Variants in SRGN observed in about 807,000 individuals in gnomAD.
SRGN encodes serglycin.
Under a neutral mutation model 9.5 loss-of-function variants are expected in SRGN, and 2 were observed. The ratio of observed to expected loss-of-function variants is 0.21; its 90% confidence interval spans 0.09 to 0.66. The LOEUF (loss-of-function observed/expected upper bound fraction) is 0.66. Among genes scored for constraint, SRGN ranks in the 30% least tolerant of loss-of-function variants. The probability of loss-of-function intolerance (pLI) is 0.83; values close to 1 mark genes in which losing one functional copy is unlikely to be tolerated. For missense variants in SRGN, 170 were observed against 192.4 expected, an observed-to-expected ratio of 0.88 and a Z score of 0.69; for synonymous variants, 59 against 72.3, an observed-to-expected ratio of 0.82 and a Z score of 0.93.
chr10:69,097,059 G>A (rs1283270959), intron 1 of SRGN, 25 bp from the exon 2 acceptor site: 1 of 1,611,088 alleles, frequency 6.2e-7, no homozygotes, highest in Non-Finnish European at 8.5e-7. Context: ...TAGATACTTA[G>A]TAACAATGTG....
Position 69,104,154 on chromosome 10 carries a change from T to C in SRGN, c.*34T>C. ...TTTCCCACCTTGACACCAGGCAATG[T>C]AGTTAGCATATTTTATGTACCATGG... is the stretch of plus-strand genomic sequence containing the variant. On this transcript the variant is annotated 3_prime_UTR_variant, in exon 3 of 3. Transcript: ENST00000242465. 4 of 1,601,044 alleles carry C rather than the reference T, an allele frequency of 2.5e-6. No individual in the cohort carries two copies. The highest frequency in any genetic ancestry group is 3.4e-6 in the Non-Finnish European group (4 of 1,170,586).
intron 1 of SRGN, 82 bp downstream of exon 1, chr10:69,088,318 C>T (rs1839981086): frequency 8.3e-7 from 1 of 1,204,320 alleles, no homozygotes; most frequent in South Asian, 1.2e-5. Context: ...CATTTTAAGG[C>T]ATAGAATGTA....
In SRGN at chr10:69,089,138, C is replaced by T. The variant is rs7900316; in HGVS notation, c.79+902C>T. Among the ~76,000 whole-genome samples the T allele has an allele frequency of 9.8e-3, 1,490 of 152,162 alleles. 32 individuals carry two copies. Among genetic ancestry groups the T allele is most frequent in the African/African-American group, 0.034 (1,419 of 41,510 alleles). On this transcript the variant is annotated intron_variant, in intron 1 of 2. Transcript: ENST00000242465. ...ATGTCCTAGATTTGTTTCGTCAAAG[C>T]GACTTTTGGTTGTCATGATCTTACT...
rs1839975115 is a variant in SRGN, at chr10:69,088,144, A to G, written c.-14A>G. On this transcript the variant is annotated 5_prime_UTR_variant, in exon 1 of 3. Coordinates refer to ENST00000242465, the MANE Select transcript of SRGN (RefSeq NM_002727.4). ...AAGTTGGCGTGCAGCTGGGAGAGCT[A>G]GACTAAGTTGGTCATGATGCAGAAG... 1 of 1,613,052 alleles carries G rather than the reference A, an allele frequency of 6.2e-7. No individual in the cohort carries two copies. Among genetic ancestry groups the G allele is most frequent in the Non-Finnish European group, 8.5e-7 (1 of 1,179,032 alleles).
intron 1 of SRGN, among the ~76,000 whole-genome samples, chr10:69,095,529 T>C (rs938804197): frequency 1.3e-5 from 2 of 152,112 alleles, no homozygotes; most frequent in Admixed American, 6.6e-5. Flanking sequence ...GATGAACTTT[T>C]TGAAGGGCGG....
At chr10:69,099,314 T>G (rs926741410) in intron 2 of SRGN, among the ~76,000 whole-genome samples, 1 of 150,956 alleles carries the variant, frequency 6.6e-6, no homozygotes, top group African/African-American at 2.4e-5. Context: ...CTTTTGTTTT[T>G]TTTTTTTTTT....
intron 2 of SRGN, among the ~76,000 whole-genome samples, chr10:69,103,043 G>A (rs984122193): frequency 5.9e-5 from 9 of 151,934 alleles, no homozygotes; most frequent in Non-Finnish European, 1.0e-4. Context: ...GGGTTCAAGC[G>A]ATTCTCTCAC....
intron 1 of SRGN, among the ~76,000 whole-genome samples, 181 bp downstream of exon 1, chr10:69,088,417 A>C (rs1839983667): frequency 6.6e-6 from 1 of 152,216 alleles, no homozygotes; most frequent in Non-Finnish European, 1.5e-5. Context: ...ACCAAGAAAA[A>C]TTAAACTCTG....
chr10:69,102,032 G>C (rs1840303133), intron 2 of SRGN, among the ~76,000 whole-genome samples: 1 of 151,962 alleles, frequency 6.6e-6, no homozygotes, highest in Non-Finnish European at 1.5e-5. Context: ...CTGCACAACA[G>C]AAGGAGGCCC....
chr10:69,097,458 A>C (rs1404657457), intron 2 of SRGN, among the ~76,000 whole-genome samples: 31 of 95,002 alleles, frequency 3.3e-4, no homozygotes, highest in East Asian at 8.1e-4. Flanking sequence ...ACGGAGTCTC[A>C]GTCTGTCGCT....
At chr10:69,093,521 GA>G (rs1840108968) in intron 1 of SRGN, among the ~76,000 whole-genome samples, 4 of 152,206 alleles carry the variant, frequency 2.6e-5, no homozygotes, top group Non-Finnish European at 5.9e-5. Flanking sequence ...CCTACAGGAA[GA>G]GACGTCTAAG....
intron 2 of SRGN, among the ~76,000 whole-genome samples, 174 bp from the exon 3 acceptor site, chr10:69,103,697 G>C (rs1373169069): frequency 1.3e-5 from 2 of 152,048 alleles, no homozygotes; most frequent in African/African-American, 4.8e-5. Context: ...AGGAACATTT[G>C]ACCTGTTTTT....
chr10:69,097,173 T>C lies in SRGN; in HGVS notation c.169T>C (p.Phe57Leu). 1 of 1,614,090 alleles carries C rather than the reference T, an allele frequency of 6.2e-7. No individual in the cohort carries two copies. The highest frequency in any genetic ancestry group is 8.5e-7 in the Non-Finnish European group (1 of 1,179,986). The change falls in exon 2 of 3, where the codon TTC (phenylalanine) becomes CTC (leucine). Residue 57 changes from phenylalanine (F) to leucine (L), a missense_variant. Transcript: ENST00000242465. ...CTGCCTTGAAGAAAAAGGACCAATG[T>C]TCGAACTACTTCCAGGTGAATCCAA... ...ANCLEEKGPM[F>L]ELLPGESNKI... is the part of the protein sequence containing the mutation.
chr10:69,104,162 A>G lies in SRGN; in HGVS notation c.*42A>G, dbSNP rs764035634. The G allele has an allele frequency of 6.3e-6, 10 of 1,596,360 alleles. 1 individual carries two copies. The South Asian group carries it at 6.7e-5, about 11-fold the overall frequency. On this transcript the variant is annotated 3_prime_UTR_variant, in exon 3 of 3. Transcript: ENST00000242465. ...CTTGACACCAGGCAATGTAGTTAGCATATTTTATGTACCATGGTTATATGA... is the reference window on the plus strand; with the variant it reads ...CTTGACACCAGGCAATGTAGTTAGCGTATTTTATGTACCATGGTTATATGA...
chr10:69,089,006 TA>T (rs1439571144), intron 1 of SRGN, among the ~76,000 whole-genome samples: 1 of 152,216 alleles, frequency 6.6e-6, no homozygotes, highest in Non-Finnish European at 1.5e-5. Flanking sequence ...GAATCATGTC[TA>T]AATAAGACGG....
chr10:69,092,377 C>T (rs1227723826), intron 1 of SRGN, among the ~76,000 whole-genome samples: 2 of 152,164 alleles, frequency 1.3e-5, no homozygotes, highest in Non-Finnish European at 2.9e-5. Flanking sequence ...ACATCATCGG[C>T]CCCAAATTAG....
At position 69,104,240 on chromosome 10, in the gene SRGN, G is replaced by C. The variant is rs941588164; in HGVS notation, c.*120G>C. ...AAATTTTTAAACATCTGAAAAAGAAGCTTAAGTTTTATCATCCTTTTTTTT... is the reference window on the plus strand; with the variant it reads ...AAATTTTTAAACATCTGAAAAAGAACCTTAAGTTTTATCATCCTTTTTTTT... On this transcript the variant is annotated 3_prime_UTR_variant, in exon 3 of 3. Transcript: ENST00000242465. 3 of 1,338,308 alleles carry C rather than the reference G, an allele frequency of 2.2e-6. No individual in the cohort carries two copies. The African/African-American group carries it at 4.4e-5, about 20-fold the overall frequency. 82.9% of individuals were successfully genotyped at this position (1,338,308 alleles called of 1,614,324 possible).
In SRGN at chr10:69,088,240, A is replaced by T; in HGVS notation, c.79+4A>T. 6.2e-7 allele frequency: 1 copy of T among 1,613,460 alleles called. No individual in the cohort carries two copies. On this transcript the variant is annotated splice_donor_region_variant and intron_variant, in intron 1 of 2. Coordinates refer to ENST00000242465, the MANE Select transcript of SRGN (RefSeq NM_002727.4). The stretch of plus-strand genomic sequence containing the variant: ...GTTCTGGAATCCTCAGTTCAAGGTA[A>T]GACTCAGGAGTCTTGTTCCCCAGCC...
intron 1 of SRGN, among the ~76,000 whole-genome samples, chr10:69,091,077 G>A (rs1472970610): frequency 6.6e-6 from 1 of 152,116 alleles, no homozygotes; most frequent in African/African-American, 2.4e-5. Context: ...CCATTCTCTG[G>A]TAATCATCAT....
Sources: gnomAD v4.1 joint callset for allele counts (sites outside exome capture counted in the v4.1 genomes callset) on GRCh38, gnomAD v4.1.1 for gene constraint, MANE v1.5 for transcripts, NCBI Gene and HGNC (gene_info 2026-07-23, HGNC 2026-07-21) for gene names.